The following SLC17A1 variants were observed in gnomAD, a reference collection of about 807,000 sequenced individuals.
SLC17A1 encodes sodium-dependent phosphate transport protein 1.
In SLC17A1, 51 loss-of-function variants were observed where a neutral mutation model predicts 53.5. That is an observed-to-expected ratio of 0.95 (90% confidence interval 0.76 to 1.20). The LOEUF is 1.20. Ranked by LOEUF, SLC17A1 falls within the 50% of genes most tolerant of loss-of-function variation. The probability of loss-of-function intolerance (pLI) is 0.00; values close to 1 mark genes in which losing one functional copy is unlikely to be tolerated. For missense variants in SLC17A1, 538 were observed against 568.2 expected (o/e 0.95, Z 0.54); for synonymous variants, 179 against 198.8 (o/e 0.90, Z 0.84).
intron 3 of SLC17A1, among the ~76,000 whole-genome samples, chr6:25,826,127 A>G (rs1764731648): frequency 6.6e-6 from 1 of 152,102 alleles, no homozygotes. Context: ...CAAGTCAAAA[A>G]CTTTAAAAAT....
chr6:25,784,567 C>T (rs552315668), intron 12 of SLC17A1, among the ~76,000 whole-genome samples: 114 of 152,266 alleles, frequency 7.5e-4, no homozygotes, highest in Middle Eastern at 3.4e-3. Context: ...CAAAGGACAG[C>T]ACCAAGCTGT....
At chr6:25,757,190 T>C in the SLC17A1 span, among the ~76,000 whole-genome samples, 2 of 152,238 alleles carry the variant, frequency 1.3e-5, no homozygotes, top group African/African-American at 2.4e-5. Context: ...AGTTGCTTAC[T>C]TACCAGCTTT....
chr6:25,826,514 CTG>C lies in SLC17A1; in HGVS notation c.152_153del (p.Thr51ArgfsTer16), dbSNP rs1214081369. On this transcript the variant is annotated frameshift_variant, in exon 3 of 13. Transcript: ENST00000244527. LOFTEE classifies it high-confidence loss of function. Reference sequence around the variant, plus strand: ...GAGGTGTTGGGCAAACCATGTGGATCTGTGCTATTCACCATGACTACCATTGT... The same window carrying C: ...GAGGTGTTGGGCAAACCATGTGGATCTGCTATTCACCATGACTACCATTGT... ...NLTMVVMVNS[T>X]DPHGLPNTST... is the part of the protein sequence containing the mutation. The C allele has an allele frequency of 6.2e-7, 1 of 1,612,144 alleles. No homozygotes were observed. The highest frequency in any genetic ancestry group is 1.3e-5 in the African/African-American group (1 of 74,784).
At chr6:25,793,819 G>C (rs1354573124) in intron 12 of SLC17A1, among the ~76,000 whole-genome samples, 5 of 152,114 alleles carry the variant, frequency 3.3e-5, no homozygotes. Context: ...CATAGCAGTG[G>C]TAGTACTGAG....
At chr6:25,758,929 A>G in the SLC17A1 span, among the ~76,000 whole-genome samples, 1 of 152,256 alleles carries the variant, frequency 6.6e-6, no homozygotes, top group East Asian at 1.9e-4. Context: ...TGATGTAGGC[A>G]TTTAATGGTA....
chr6:25,753,603 CA>C, the SLC17A1 span, among the ~76,000 whole-genome samples: 5 of 152,112 alleles, frequency 3.3e-5, no homozygotes, highest in African/African-American at 1.2e-4. Flanking sequence ...ACTGATAGAA[CA>C]TACTGTTGGA....
At chr6:25,757,848 G>A in the SLC17A1 span, among the ~76,000 whole-genome samples, 3 of 152,188 alleles carry the variant, frequency 2.0e-5, no homozygotes, top group Non-Finnish European at 4.4e-5. Flanking sequence ...GGTGATATGT[G>A]TTCACTAACT....
At chr6:25,723,989 C>T in the SLC17A1 span, among the ~76,000 whole-genome samples, 11 of 152,070 alleles carry the variant, frequency 7.2e-5, no homozygotes, top group Admixed American at 1.3e-4. Flanking sequence ...CAAACCAGTA[C>T]GAATATCAAG....
chr6:25,795,575 T>G (rs976684542), intron 12 of SLC17A1, among the ~76,000 whole-genome samples: 1 of 152,038 alleles, frequency 6.6e-6, no homozygotes, highest in Non-Finnish European at 1.5e-5. Flanking sequence ...TTAATGACAA[T>G]AACTGCAGTT....
At chr6:25,798,688 C>T in intron 12 of SLC17A1, 95 bp downstream of exon 12, 1 of 1,174,518 alleles carries the variant, frequency 8.5e-7, no homozygotes, top group East Asian at 2.5e-5. Context: ...CAAACCTGCA[C>T]CCGTTATTCC....
At chr6:25,825,624 T>C (rs1764713739) in intron 3 of SLC17A1, among the ~76,000 whole-genome samples, 3 of 151,992 alleles carry the variant, frequency 2.0e-5, no homozygotes, top group Non-Finnish European at 4.4e-5. Flanking sequence ...GGCTTTTCTT[T>C]GTTTTTGTTT....
rs535551166 is a variant in SLC17A1 at position 25,814,939 on chromosome 6, T to C, written c.617-1726A>G. Among the ~76,000 whole-genome samples, 5 of 151,026 alleles carry C rather than the reference T, an allele frequency of 3.3e-5. No homozygotes were observed. In the East Asian group the frequency reaches 9.7e-4, roughly 29 times the overall value. ...AGGCTGAGGTTGCAGTGAGCTGAGA[T>C]ACTGCCATTGCACTCCAGGCTGGCC... On this transcript the variant is annotated intron_variant, in intron 6 of 12. Transcript: ENST00000244527.
At chr6:25,771,894 A>G in the SLC17A1 span, among the ~76,000 whole-genome samples, 1 of 152,194 alleles carries the variant, frequency 6.6e-6, no homozygotes, top group Non-Finnish European at 1.5e-5. Flanking sequence ...GCAGTATTTT[A>G]CTACGTTACA....
At chr6:25,725,970 G>C in the SLC17A1 span, among the ~76,000 whole-genome samples, 1 of 152,314 alleles carries the variant, frequency 6.6e-6, no homozygotes, top group East Asian at 1.9e-4. Context: ...GTACATTCCC[G>C]AAATGCGCTT....
chr6:25,727,071 G>A, the SLC17A1 span: 1 of 1,614,096 alleles, frequency 6.2e-7, no homozygotes, highest in South Asian at 1.1e-5. Context: ...TCCGGACACT[G>A]GCATCTCTTC....
rs1258370371 is a variant in SLC17A1, at chr6:25,811,690, C to A, written c.978G>T (p.Leu326=). 1 of 1,613,818 alleles carries A rather than the reference C, an allele frequency of 6.2e-7. No homozygotes were observed. The highest frequency in any genetic ancestry group is 2.2e-5 in the East Asian group (1 of 44,876). Residue 326 remains leucine (L), a synonymous_variant, in exon 9 of 13, where the codon CTG becomes CTT. Transcript: ENST00000244527. ...NLAGQLSDFF[L]TRNILSVIAV... ...CAATTACGCTGAGAATATTCCTGGT[C>A]AGGAAGAAGTCTGATAACTGACCTG... is the stretch of plus-strand genomic sequence containing the variant.
At chr6:25,742,340 A>G in the SLC17A1 span, among the ~76,000 whole-genome samples, 1 of 152,176 alleles carries the variant, frequency 6.6e-6, no homozygotes. Flanking sequence ...CCTGACTGGG[A>G]ACCTGGGCAG....
At chr6:25,732,747 G>A in the SLC17A1 span, 5 of 1,134,310 alleles carry the variant, frequency 4.4e-6, no homozygotes, top group Middle Eastern at 3.3e-4. Context: ...ATGGCTTAGG[G>A]TGACGTTTTG....
At chr6:25,790,325 ACT>A (rs775704783) in intron 12 of SLC17A1, among the ~76,000 whole-genome samples, 28 of 152,092 alleles carry the variant, frequency 1.8e-4, no homozygotes, top group Middle Eastern at 3.2e-3. Flanking sequence ...AACATTATTC[ACT>A]CGAAGAATTC....
Sources: allele counts gnomAD v4.1 joint callset (sites outside exome capture counted in the v4.1 genomes callset), GRCh38; gene constraint gnomAD v4.1.1; transcripts MANE v1.5; gene names NCBI Gene and HGNC (gene_info 2026-07-23, HGNC 2026-07-21).